The following WWOX variants were observed in gnomAD, a reference collection of about 807,000 sequenced individuals.
WWOX encodes the protein WW domain containing oxidoreductase, also known as WW domain-containing oxidoreductase.
A neutral mutation model predicts 46.2 loss-of-function variants in WWOX; 69 were observed. The observed-to-expected ratio is 1.49, with a 90% confidence interval of 1.23 to 1.82. WWOX has a LOEUF of 1.82. Ranked by LOEUF, WWOX falls within the 40% of genes most tolerant of loss-of-function variation. WWOX has a pLI of 0.00. For synonymous variants in WWOX, 359 were observed against 202.6 expected, an observed-to-expected ratio of 1.77 and a Z score of -6.56; for missense variants, 919 against 542.6, an observed-to-expected ratio of 1.69 and a Z score of -6.89.
chr16:78,794,431 A>G (rs1193522692), intron 8 of WWOX, among the ~76,000 whole-genome samples: 1 of 152,226 alleles, frequency 6.6e-6, no homozygotes, highest in African/African-American at 2.4e-5. Context: ...AGCTTAGATT[A>G]TTTTGTCATA....
chr16:78,432,951 G>A (rs1315232893), intron 8 of WWOX, among the ~76,000 whole-genome samples, 199 bp downstream of exon 8: 1 of 152,126 alleles, frequency 6.6e-6, no homozygotes, highest in East Asian at 1.9e-4. Flanking sequence ...TTGGAGGGCT[G>A]GGTAGAAGAT....
At chr16:78,357,698 T>C (rs1255590489) in intron 5 of WWOX, among the ~76,000 whole-genome samples, 1 of 152,224 alleles carries the variant, frequency 6.6e-6, no homozygotes, top group Admixed American at 6.5e-5. Context: ...GCTGTGATTA[T>C]TGATCACTTC....
At chr16:78,144,484 T>C (rs866485642) in intron 4 of WWOX, among the ~76,000 whole-genome samples, 1,882 of 25,612 alleles carry the variant, frequency 0.073, 193 homozygotes, top group Non-Finnish European at 0.087. Context: ...TATATATATA[T>C]ATACACACAC....
At chr16:78,931,709 A>G (rs74032440) in intron 8 of WWOX, among the ~76,000 whole-genome samples, 4,057 of 152,320 alleles carry the variant, frequency 0.027, 169 homozygotes, top group African/African-American at 0.091. Context: ...GTATTTTCCA[A>G]CTGTTCACAG....
At chr16:78,276,487 T>C (rs571038291) in intron 5 of WWOX, among the ~76,000 whole-genome samples, 31 of 152,352 alleles carry the variant, frequency 2.0e-4, no homozygotes, top group African/African-American at 6.3e-4. Flanking sequence ...AGTCTCCTGA[T>C]GTTTGAGCCC....
chr16:78,144,488 C>CACACATATATATATAT (rs1567596485), intron 4 of WWOX, among the ~76,000 whole-genome samples: 1 of 6,810 alleles, frequency 1.5e-4, no homozygotes, highest in Non-Finnish European at 2.4e-4. Flanking sequence ...TATATATATA[C>CACACATATATATATAT]ACACACACAC....
intron 8 of WWOX, among the ~76,000 whole-genome samples, chr16:78,573,100 A>G (rs1180579995): frequency 6.6e-6 from 1 of 152,160 alleles, no homozygotes; most frequent in South Asian, 2.1e-4. Context: ...CCTGGCTAAC[A>G]TGATGAAACC....
At chr16:78,416,927 A>G (rs2082810525) in intron 6 of WWOX, among the ~76,000 whole-genome samples, 1 of 152,112 alleles carries the variant, frequency 6.6e-6, no homozygotes, top group Non-Finnish European at 1.5e-5. Context: ...AGGTAAGGAA[A>G]ATAACATGGC....
chr16:78,511,014 C>T (rs1321997702), intron 8 of WWOX, among the ~76,000 whole-genome samples: 5 of 152,220 alleles, frequency 3.3e-5, no homozygotes, highest in African/African-American at 4.8e-5. Context: ...AGCAGCAAAG[C>T]CACCTGGCAT....
chr16:78,624,633 A>C (rs1200158977), intron 8 of WWOX, among the ~76,000 whole-genome samples: 2 of 152,198 alleles, frequency 1.3e-5, no homozygotes, highest in Admixed American at 6.5e-5. Context: ...TTTCTATGGC[A>C]AGCTGAGATG....
chr16:78,927,150 T>A (rs2045517105), intron 8 of WWOX, among the ~76,000 whole-genome samples: 1 of 152,196 alleles, frequency 6.6e-6, no homozygotes, highest in Non-Finnish European at 1.5e-5. Flanking sequence ...CCAGCCTGAG[T>A]TTTCTCCTGT....
chr16:78,962,916 TC>T (rs1255008984), intron 8 of WWOX, among the ~76,000 whole-genome samples: 1 of 152,210 alleles, frequency 6.6e-6, no homozygotes, highest in Non-Finnish European at 1.5e-5. Context: ...CTGTCTTGCT[TC>T]TTTTACTCCT....
At chr16:78,575,058 T>TATATAA (rs2044837406) in intron 8 of WWOX, among the ~76,000 whole-genome samples, 2 of 16,948 alleles carry the variant, frequency 1.2e-4, no homozygotes. Flanking sequence ...TATATATATA[T>TATATAA]ATATATATAT....
At chr16:78,926,906 C>T (rs2045511334) in intron 8 of WWOX, among the ~76,000 whole-genome samples, 1 of 152,098 alleles carries the variant, frequency 6.6e-6, no homozygotes, top group African/African-American at 2.4e-5. Flanking sequence ...AAGTGATCCT[C>T]CCACCTCAGC....
intron 8 of WWOX, among the ~76,000 whole-genome samples, chr16:78,868,630 A>T (rs909281262): frequency 6.6e-6 from 1 of 152,208 alleles, no homozygotes; most frequent in Non-Finnish European, 1.5e-5. Flanking sequence ...CATTCTGTAT[A>T]ATTAGACAAA....
chr16:78,365,813 T>C (rs1330152435), intron 5 of WWOX, among the ~76,000 whole-genome samples: 1 of 152,202 alleles, frequency 6.6e-6, no homozygotes, highest in African/African-American at 2.4e-5. Context: ...CAAATTTCTG[T>C]GTCTTCATTT....
At chr16:78,126,740 CTCAAA>C (rs1435491259) in intron 4 of WWOX, among the ~76,000 whole-genome samples, 1 of 152,194 alleles carries the variant, frequency 6.6e-6, no homozygotes, top group Non-Finnish European at 1.5e-5. Flanking sequence ...CCAGCTGCAA[CTCAAA>C]TCAAAGGCAC....
intron 6 of WWOX, among the ~76,000 whole-genome samples, chr16:78,412,060 G>C (rs1300875852): frequency 6.6e-6 from 1 of 152,166 alleles, no homozygotes; most frequent in African/African-American, 2.4e-5. Flanking sequence ...GCAATGGACA[G>C]TTATCTGGAG....
At position 78,180,883 on chromosome 16, in the gene WWOX, C is replaced by T. The variant is rs915005764; in HGVS notation, c.516+16594C>T. 2.6e-5 allele frequency among the ~76,000 whole-genome samples: 4 copies of T among 152,052 alleles called. 1 individual carries two copies. The highest frequency in any genetic ancestry group is 6.8e-3 in the Middle Eastern group (2 of 294). Reference sequence around the variant, plus strand: ...TCCGGACTGTGCTTGAGGGTGTCATCGAGAGAGAGAAGGTTGATCCGAAGT... The same window carrying T: ...TCCGGACTGTGCTTGAGGGTGTCATTGAGAGAGAGAAGGTTGATCCGAAGT... On this transcript the variant is annotated intron_variant, in intron 5 of 8. Coordinates refer to ENST00000566780, the MANE Select transcript of WWOX (RefSeq NM_016373.4).
Sources: gnomAD v4.1 joint callset for allele counts (sites outside exome capture counted in the v4.1 genomes callset) on GRCh38, gnomAD v4.1.1 for gene constraint, MANE v1.5 for transcripts, NCBI Gene and HGNC (gene_info 2026-07-23, HGNC 2026-07-21) for gene names.